The following CACNB2 variants were observed in gnomAD, a reference collection of about 807,000 sequenced individuals.
CACNB2 encodes calcium voltage-gated channel auxiliary subunit beta 2.
CACNB2 carries 42 observed loss-of-function variants against 73.3 expected under a neutral mutation model. The ratio of observed to expected loss-of-function variants is 0.57; its 90% CI spans 0.45 to 0.74. The LOEUF (loss-of-function observed/expected upper bound fraction) is 0.74. Among genes scored for constraint, CACNB2 ranks in the 30% least tolerant of loss-of-function variants. The pLI is 0.00. For synonymous variants in CACNB2, 348 were observed against 310.3 expected (o/e 1.12, Z -1.28); for missense variants, 940 against 853.0 (o/e 1.10, Z -1.27).
At chr10:18,490,265 T>G (rs1239291100) in intron 3 of CACNB2, among the ~76,000 whole-genome samples, 1 of 152,230 alleles carries the variant, frequency 6.6e-6, no homozygotes, top group Non-Finnish European at 1.5e-5. Flanking sequence ...CTGTTCGGCT[T>G]TAGTCCACAA....
In CACNB2 at chr10:18,493,094, C is replaced by G. The variant is rs145472174; in HGVS notation, c.334-5261C>G. Among the ~76,000 whole-genome samples, 227 of 152,290 alleles carry G rather than the reference C, an allele frequency of 1.5e-3. 1 individual carries two copies. The highest frequency in any genetic ancestry group is 6.8e-3 in the Middle Eastern group (2 of 294). On this transcript the variant is annotated intron_variant, in intron 3 of 13. Transcript: ENST00000324631. ...TGAATAACTATTTGCATAGCGTTTA[C>G]CTTGTATTAGGTATTATAACTGCTC...
At chr10:18,298,294 G>C (rs138004338) in intron 2 of CACNB2, among the ~76,000 whole-genome samples, 6 of 152,004 alleles carry the variant, frequency 3.9e-5, no homozygotes, top group Admixed American at 3.9e-4. Context: ...ACCTGAATCC[G>C]GTGGGGCGGA....
intron 3 of CACNB2, among the ~76,000 whole-genome samples, chr10:18,432,999 C>G (rs941811871): frequency 6.6e-6 from 1 of 152,122 alleles, no homozygotes; most frequent in South Asian, 2.1e-4. Context: ...TTTATGACTG[C>G]CCAAATATCG....
chr10:18,239,597 C>G (rs1340843090), intron 2 of CACNB2, among the ~76,000 whole-genome samples: 1 of 152,136 alleles, frequency 6.6e-6, no homozygotes, highest in Non-Finnish European at 1.5e-5. Context: ...AGGTTGATTC[C>G]ATATCTTTGC....
intron 2 of CACNB2, among the ~76,000 whole-genome samples, chr10:18,172,939 T>TTTTTTTTTTTTTTTTTA (rs1554765028): frequency 6.7e-6 from 1 of 150,166 alleles, no homozygotes; most frequent in African/African-American, 2.5e-5. Context: ...TTTTTTTTTT[T>TTTTTTTTTTTTTTTTTA]AAATGGAGTT....
chr10:18,449,200 C>T (rs932498693), intron 3 of CACNB2, among the ~76,000 whole-genome samples: 4 of 151,954 alleles, frequency 2.6e-5, no homozygotes, highest in Admixed American at 1.3e-4. Context: ...CTGGCTAACA[C>T]GGTGAAACCC....
chr10:18,232,395 A>G (rs1192965799), intron 2 of CACNB2, among the ~76,000 whole-genome samples: 3 of 152,206 alleles, frequency 2.0e-5, no homozygotes, highest in African/African-American at 7.2e-5. Flanking sequence ...ACCGGGCTCC[A>G]CAGGTCACAG....
chr10:18,385,491 G>A (rs561461819), intron 2 of CACNB2, among the ~76,000 whole-genome samples: 31 of 151,194 alleles, frequency 2.1e-4, no homozygotes, highest in African/African-American at 7.5e-4. Context: ...GCTGGGCGTG[G>A]TGGTGTGTGC....
intron 2 of CACNB2, among the ~76,000 whole-genome samples, chr10:18,310,580 G>A (rs1286843583): frequency 8.0e-6 from 1 of 125,712 alleles, no homozygotes; most frequent in Non-Finnish European, 1.6e-5. Context: ...ACTCCAGCCT[G>A]GGCAATAATA....
At position 18,442,955 on chromosome 10, in the gene CACNB2, T is replaced by C. The variant is rs1158215058; in HGVS notation, c.333+40912T>C. 1.1e-3 allele frequency among the ~76,000 whole-genome samples: 21 copies of C among 18,814 alleles called. 1 individual carries two copies. Among genetic ancestry groups the C allele is most frequent in the East Asian group, 9.1e-3 (2 of 220 alleles). 12.3% of individuals were successfully genotyped at this position (18,814 alleles called of 152,430 possible). On this transcript the variant is annotated intron_variant, in intron 3 of 13. Transcript: ENST00000324631. The stretch of plus-strand genomic sequence containing the variant: ...ATATATATATATGTGTATATATATA[T>C]ATGTATATATATATGTGTATATATA...
At chr10:18,297,826 A>C (rs1022162098) in intron 2 of CACNB2, among the ~76,000 whole-genome samples, 1 of 152,160 alleles carries the variant, frequency 6.6e-6, no homozygotes, top group Admixed American at 6.5e-5. Context: ...ATTGGAGTGC[A>C]CTATCCCTCC....
rs149371317 is a variant in CACNB2, at chr10:18,162,443, G to A, written c.213+11468G>A. Among the ~76,000 whole-genome samples the A allele has an allele frequency of 2.5e-3, 383 of 152,196 alleles. 2 individuals carry two copies. The highest frequency in any genetic ancestry group is 8.5e-3 in the African/African-American group (354 of 41,538). On this transcript the variant is annotated intron_variant, in intron 2 of 13. Transcript: ENST00000324631. ...CTGATTTGTTCAATGACGCGTACTCGTTCACCAATGTGTGGATCGTACTGA... is the reference window on the plus strand; with the variant it reads ...CTGATTTGTTCAATGACGCGTACTCATTCACCAATGTGTGGATCGTACTGA...
chr10:18,398,692 T>TAC (rs200052800), intron 2 of CACNB2, among the ~76,000 whole-genome samples: 262 of 57,124 alleles, frequency 4.6e-3, no homozygotes, highest in African/African-American at 0.012. Flanking sequence ...CACACACACA[T>TAC]ACACACACAC....
intron 3 of CACNB2, among the ~76,000 whole-genome samples, chr10:18,439,495 A>G (rs968016406): frequency 1.7e-4 from 26 of 152,348 alleles, no homozygotes; most frequent in African/African-American, 5.8e-4. Flanking sequence ...GCAAGGTCGC[A>G]TATTTTGGGG....
At position 18,150,988 on chromosome 10, in the gene CACNB2, A is replaced by G. The variant is rs2031502383; in HGVS notation, c.213+13A>G. ...TTTTGTTCGCCAGGTAAGAGTTTTAAGTTCATGGTTTTGATAAGTACCTTA... is the reference window on the plus strand; with the variant it reads ...TTTTGTTCGCCAGGTAAGAGTTTTAGGTTCATGGTTTTGATAAGTACCTTA... On this transcript the variant is annotated intron_variant, in intron 2 of 13. Coordinates refer to ENST00000324631, the MANE Select transcript of CACNB2 (RefSeq NM_201596.3). The G allele has an allele frequency of 1.3e-6, 2 of 1,528,720 alleles. No homozygotes were observed. The highest frequency in any genetic ancestry group is 9.1e-7 in the Non-Finnish European group (1 of 1,104,950). 94.7% of individuals were successfully genotyped at this position (1,528,720 alleles called of 1,614,324 possible).
chr10:18,199,670 C>T (rs138622190), intron 2 of CACNB2, among the ~76,000 whole-genome samples: 43 of 152,148 alleles, frequency 2.8e-4, no homozygotes, highest in African/African-American at 8.7e-4. Context: ...GAAATGAATG[C>T]CTTTGATGGA....
chr10:18,454,443 C>T (rs895633350), intron 3 of CACNB2, among the ~76,000 whole-genome samples: 2 of 152,180 alleles, frequency 1.3e-5, no homozygotes, highest in Non-Finnish European at 2.9e-5. Context: ...CATGTCTATA[C>T]CACCGTGTAT....
At chr10:18,228,040 G>C (rs1035922163) in intron 2 of CACNB2, among the ~76,000 whole-genome samples, 7 of 152,174 alleles carry the variant, frequency 4.6e-5, no homozygotes, top group Non-Finnish European at 8.8e-5. Flanking sequence ...CAGGGTAGGG[G>C]ACAGCCTTTT....
chr10:18,337,769 T>C (rs1231919647), intron 2 of CACNB2, among the ~76,000 whole-genome samples: 1 of 152,212 alleles, frequency 6.6e-6, no homozygotes, highest in East Asian at 1.9e-4. Flanking sequence ...ATAAAATATA[T>C]AGTATTTCTG....
Sources: allele counts gnomAD v4.1 joint callset (sites outside exome capture counted in the v4.1 genomes callset), GRCh38; gene constraint gnomAD v4.1.1; transcripts MANE v1.5; gene names NCBI Gene and HGNC (gene_info 2026-07-23, HGNC 2026-07-21).